Variants in FARS2 observed in about 807,000 individuals in gnomAD.
FARS2 encodes phenylalanyl-tRNA synthetase 2, mitochondrial.
Under a neutral mutation model 46.4 loss-of-function variants are expected in FARS2, and 40 were observed. That is an observed-to-expected ratio of 0.86 (90% CI 0.67 to 1.12). The LOEUF (loss-of-function observed/expected upper bound fraction) is 1.12. Ranked by LOEUF, FARS2 falls within the 50% of genes most tolerant of loss-of-function variation. The pLI, the probability that FARS2 is intolerant of heterozygous loss-of-function variation, is 0.00. For synonymous variants in FARS2, 234 were observed against 214.9 expected (o/e 1.09, Z -0.78); for missense variants, 513 against 567.9 (o/e 0.90, Z 0.98).
chr6:5,726,838 G>A (rs1760295786), intron 6 of FARS2, among the ~76,000 whole-genome samples: 1 of 152,230 alleles, frequency 6.6e-6, no homozygotes, highest in African/African-American at 2.4e-5. Flanking sequence ...ACCAGAGACA[G>A]TGGGCCCTTC....
At chr6:5,519,148 C>G (rs941230330) in intron 4 of FARS2, among the ~76,000 whole-genome samples, 3 of 152,288 alleles carry the variant, frequency 2.0e-5, no homozygotes, top group Middle Eastern at 3.4e-3. Context: ...TGACCAGGCT[C>G]TAACCCTGAG....
intron 1 of FARS2, among the ~76,000 whole-genome samples, chr6:5,306,224 C>T (rs9502289): frequency 0.16 from 23,670 of 152,116 alleles, 3,389 homozygotes; most frequent in African/African-American, 0.38. Context: ...AACCCCTCAC[C>T]CCCAATCTGA....
intron 4 of FARS2, among the ~76,000 whole-genome samples, chr6:5,482,376 G>A (rs1454658950): frequency 6.6e-6 from 1 of 152,176 alleles, no homozygotes; most frequent in Non-Finnish European, 1.5e-5. Flanking sequence ...TGGATTAAAT[G>A]AAGTAAGGTG....
chr6:5,397,027 G>A (rs71557561), intron 2 of FARS2, among the ~76,000 whole-genome samples: 13,189 of 152,140 alleles, frequency 0.087, 752 homozygotes, highest in Admixed American at 0.14. Context: ...ATTCCTTGGC[G>A]CAAAGTATAA....
At chr6:5,419,993 A>G (rs1451550510) in intron 3 of FARS2, among the ~76,000 whole-genome samples, 1 of 152,238 alleles carries the variant, frequency 6.6e-6, no homozygotes, top group African/African-American at 2.4e-5. Flanking sequence ...ACTGGAAAGA[A>G]AAACAGGTTT....
At chr6:5,635,249 C>T (rs1776486587) in intron 6 of FARS2, among the ~76,000 whole-genome samples, 1 of 152,160 alleles carries the variant, frequency 6.6e-6, no homozygotes, top group African/African-American at 2.4e-5. Context: ...TAATTAAGTA[C>T]AAGCATTAAA....
chr6:5,537,114 C>A (rs1425405677), intron 4 of FARS2, among the ~76,000 whole-genome samples: 1 of 152,142 alleles, frequency 6.6e-6, no homozygotes, highest in Non-Finnish European at 1.5e-5. Flanking sequence ...TTGATACAAC[C>A]CAAGTACACT....
At chr6:5,698,543 C>G (rs1758237333) in intron 6 of FARS2, among the ~76,000 whole-genome samples, 1 of 152,168 alleles carries the variant, frequency 6.6e-6, no homozygotes, top group Non-Finnish European at 1.5e-5. Flanking sequence ...ACCCTTCTAA[C>G]ATGTGAGGTC....
At chr6:5,404,981 T>G (rs1761482105) in intron 3 of FARS2, among the ~76,000 whole-genome samples, 1 of 151,980 alleles carries the variant, frequency 6.6e-6, no homozygotes, top group Non-Finnish European at 1.5e-5. Context: ...ATATTTTTAG[T>G]AGAGACAGGG....
At chr6:5,732,943 A>C (rs949140500) in intron 6 of FARS2, among the ~76,000 whole-genome samples, 1 of 152,102 alleles carries the variant, frequency 6.6e-6, no homozygotes, top group Non-Finnish European at 1.5e-5. Context: ...AAATGCAACC[A>C]CCAGGAGACA....
intron 6 of FARS2, among the ~76,000 whole-genome samples, chr6:5,770,060 G>A (rs1248718690): frequency 6.6e-6 from 1 of 152,170 alleles, no homozygotes; most frequent in Non-Finnish European, 1.5e-5. Flanking sequence ...ATGAGGGAGA[G>A]GGAGAGGAAA....
intron 6 of FARS2, among the ~76,000 whole-genome samples, chr6:5,761,398 A>C (rs797001242): frequency 1.3e-5 from 2 of 152,242 alleles, no homozygotes; most frequent in South Asian, 4.1e-4. Flanking sequence ...TTGATCAAGC[A>C]GTTCGTATAC....
chr6:5,449,235 G>C (rs1266233885), intron 4 of FARS2, among the ~76,000 whole-genome samples: 2 of 151,594 alleles, frequency 1.3e-5, no homozygotes, highest in East Asian at 3.9e-4. Flanking sequence ...TGTAATACCA[G>C]CTACTCGGGA....
intron 4 of FARS2, among the ~76,000 whole-genome samples, chr6:5,504,704 C>G (rs1026507892): frequency 6.6e-6 from 1 of 152,076 alleles, no homozygotes; most frequent in Non-Finnish European, 1.5e-5. Flanking sequence ...CAAAACTGCT[C>G]AAGGTATGTA....
At chr6:5,487,202 C>T (rs188361725) in intron 4 of FARS2, among the ~76,000 whole-genome samples, 1 of 152,290 alleles carries the variant, frequency 6.6e-6, no homozygotes, top group East Asian at 1.9e-4. Context: ...CCTGGACCTC[C>T]GGGTTCATCA....
At chr6:5,564,196 A>G (rs1204084088) in intron 5 of FARS2, among the ~76,000 whole-genome samples, 3 of 152,232 alleles carry the variant, frequency 2.0e-5, no homozygotes, top group African/African-American at 7.2e-5. Flanking sequence ...TGAGGACAGC[A>G]ATTCCCACAA....
chr6:5,423,393 C>T (rs1762668191), intron 3 of FARS2, among the ~76,000 whole-genome samples: 1 of 151,998 alleles, frequency 6.6e-6, no homozygotes, highest in African/African-American at 2.4e-5. Flanking sequence ...GAGAAACGAT[C>T]ATATCATCTT....
At chr6:5,751,213 C>T (rs1761928136) in intron 6 of FARS2, among the ~76,000 whole-genome samples, 1 of 152,080 alleles carries the variant, frequency 6.6e-6, no homozygotes, top group South Asian at 2.1e-4. Context: ...ATTTGTCAGT[C>T]TTGGAAGGAA....
intron 6 of FARS2, among the ~76,000 whole-genome samples, chr6:5,747,161 A>G (rs994849991): frequency 2.0e-5 from 3 of 152,220 alleles, no homozygotes; most frequent in Non-Finnish European, 4.4e-5. Flanking sequence ...AGCAGGGTCC[A>G]TGATGGGCTT....
Sources: gnomAD v4.1 joint callset for allele counts (sites outside exome capture counted in the v4.1 genomes callset) on GRCh38, gnomAD v4.1.1 for gene constraint, MANE v1.5 for transcripts, NCBI Gene and HGNC (gene_info 2026-07-23, HGNC 2026-07-21) for gene names.